CLTCL1: variants seen among roughly 807,000 people sequenced by gnomAD.
CLTCL1 encodes clathrin heavy chain like 1.
In CLTCL1, 159 loss-of-function variants were observed where a neutral mutation model predicts 190.0. That is an observed-to-expected ratio of 0.84 (90% CI 0.74 to 0.95). The LOEUF is 0.95. Ranked by LOEUF, CLTCL1 falls within the 40% of genes least tolerant of loss-of-function variation. CLTCL1 has a pLI of 0.00. For synonymous variants in CLTCL1, 752 were observed against 769.6 expected (o/e 0.98, Z 0.38); for missense variants, 1,878 against 2,033.4 (o/e 0.92, Z 1.47).
intron 2 of CLTCL1, among the ~76,000 whole-genome samples, chr22:19,275,393 C>T (rs1156378438): frequency 6.6e-6 from 1 of 151,976 alleles, no homozygotes; most frequent in Non-Finnish European, 1.5e-5. Flanking sequence ...TGGGCATTTT[C>T]TTCCTCTCGG....
At position 19,262,415 on chromosome 22, in the gene CLTCL1, G is replaced by A. The variant is rs1381294633; in HGVS notation, c.251-8188C>T. Among the ~76,000 whole-genome samples, 8 of 146,586 alleles carry A rather than the reference G, an allele frequency of 5.5e-5. No individual in the cohort carries two copies. The East Asian group carries it at 1.7e-3, about 32-fold the overall frequency. ...TGGGAGGCTGAGGCAGGTGGATCAC[G>A]AAGTCAGGAGATGGAGACCATCCTG... On this transcript the variant is annotated intron_variant, in intron 2 of 32. Coordinates refer to ENST00000427926, the MANE Select transcript of CLTCL1 (RefSeq NM_007098.4).
Position 19,208,166 on chromosome 22 carries a change from G to A in CLTCL1, c.3588C>T (p.Ala1196=), listed in dbSNP as rs782270388. The change falls in exon 22 of 33, where the codon GCC becomes GCT. Residue 1196 remains alanine (A), a synonymous_variant. Transcript: ENST00000427926. ...GGGCATGGCCTACCTGCTGGATGTG[G>A]GCATTGTTGGGTCCATTAATAAAAT... is the stretch of plus-strand genomic sequence containing the variant. ...LEDFINGPNN[A]HIQQVGDRCY... is the part of the protein sequence containing the mutation. The A allele has an allele frequency of 6.2e-6, 10 of 1,613,850 alleles. No homozygotes were observed. Among genetic ancestry groups the A allele is most frequent in the Middle Eastern group, 1.7e-4 (1 of 6,058 alleles).
At chr22:19,239,630 GCA>G (rs1244005817) in intron 4 of CLTCL1, among the ~76,000 whole-genome samples, 1 of 152,242 alleles carries the variant, frequency 6.6e-6, no homozygotes, top group African/African-American at 2.4e-5. Context: ...CTCAGTTCCA[GCA>G]CAGTGGCAGA....
intron 26 of CLTCL1, among the ~76,000 whole-genome samples, chr22:19,195,687 C>T (rs184493324): frequency 6.8e-4 from 103 of 152,130 alleles, no homozygotes; most frequent in Non-Finnish European, 4.6e-4. Flanking sequence ...TCTAAGAGAC[C>T]GGAAACAAAA....
chr22:19,211,777 A>C (rs1206531), intron 19 of CLTCL1, among the ~76,000 whole-genome samples: 8,286 of 150,012 alleles, frequency 0.055, 317 homozygotes, highest in Middle Eastern at 0.15. Flanking sequence ...AAAAAAAAAA[A>C]AAAAAACAAA....
intron 1 of CLTCL1, among the ~76,000 whole-genome samples, chr22:19,288,306 A>G (rs550722706): frequency 2.6e-5 from 4 of 152,340 alleles, no homozygotes; most frequent in African/African-American, 7.2e-5. Flanking sequence ...TGTGCTTAAC[A>G]TAAATTCAGC....
chr22:19,248,583 T>C (rs1158085977), intron 3 of CLTCL1, among the ~76,000 whole-genome samples: 1 of 152,224 alleles, frequency 6.6e-6, no homozygotes, highest in African/African-American at 2.4e-5. Context: ...CCTCCAGTCA[T>C]AGGCAACTAC....
rs199652160 is a variant in CLTCL1, at chr22:19,234,688, C to T, written c.988G>A (p.Glu330Lys). The T allele has an allele frequency of 6.3e-4, 1,021 of 1,613,948 alleles. 1 individual carries two copies. The highest frequency in any genetic ancestry group is 1.3e-3 in the Admixed American group (77 of 60,028). ...GCATAATTCACAATGTTATCTTCCT[C>T]AACACAAACTGACAGTACCTGTAAG... is the stretch of plus-strand genomic sequence containing the variant. ...KKGQVLSVCV[E>K]EDNIVNYATN... is the part of the protein sequence containing the mutation. The change falls in exon 7 of 33, where the codon GAG (glutamate) becomes AAG (lysine). Residue 330 changes from glutamate to lysine, a missense_variant. By Grantham distance (56) the Glu-to-Lys change is moderately conservative. Transcript: ENST00000427926.
intron 18 of CLTCL1, among the ~76,000 whole-genome samples, chr22:19,216,459 C>G (rs563506684): frequency 6.6e-6 from 1 of 152,328 alleles, no homozygotes; most frequent in South Asian, 2.1e-4. Flanking sequence ...ATTAGTTTTT[C>G]TCTCATATCA....
At chr22:19,232,817 C>A in intron 9 of CLTCL1, 1 of 670,338 alleles carries the variant, frequency 1.5e-6, no homozygotes, top group Non-Finnish European at 2.4e-6. Context: ...GCCCAGACCA[C>A]AAAGAAGTTT....
At chr22:19,229,786 G>A in intron 11 of CLTCL1, 52 bp downstream of exon 11, 5 of 1,522,328 alleles carry the variant, frequency 3.3e-6, no homozygotes, top group Non-Finnish European at 3.5e-6. Context: ...TGCAAACCCA[G>A]AGAGGTGCCA....
intron 5 of CLTCL1, among the ~76,000 whole-genome samples, chr22:19,236,667 G>C (rs183288079): frequency 1.3e-5 from 2 of 152,228 alleles, no homozygotes; most frequent in South Asian, 2.1e-4. Context: ...TATTAAGAAT[G>C]AGTGTGTGGT....
chr22:19,253,499 T>C (rs1200523375), intron 3 of CLTCL1, among the ~76,000 whole-genome samples: 3 of 152,118 alleles, frequency 2.0e-5, no homozygotes, highest in Non-Finnish European at 4.4e-5. Flanking sequence ...AAACTATGGG[T>C]TCCAAATTAC....
chr22:19,234,986 AT>A (rs1406682703), intron 6 of CLTCL1, among the ~76,000 whole-genome samples: 1 of 152,140 alleles, frequency 6.6e-6, no homozygotes, highest in African/African-American at 2.4e-5. Flanking sequence ...GGAACTGACA[AT>A]TTTTCTTCTT....
chr22:19,285,041 C>G (rs944422957), intron 1 of CLTCL1, among the ~76,000 whole-genome samples: 1 of 151,758 alleles, frequency 6.6e-6, no homozygotes, highest in Admixed American at 6.6e-5. Context: ...TTTGGGAGGC[C>G]GAGGCAGGCG....
chr22:19,226,215 G>A lies in CLTCL1; in HGVS notation c.1947+4C>T, dbSNP rs372402371. On this transcript the variant is annotated splice_donor_region_variant and intron_variant, in intron 12 of 32. Coordinates refer to ENST00000427926, the MANE Select transcript of CLTCL1 (RefSeq NM_007098.4). Reference sequence around the variant, plus strand: ...TAATAGGAGTGCCCAGGGGTACACAGTACCTCGGGATTGAGGAGGTGAGTG... The same window carrying A: ...TAATAGGAGTGCCCAGGGGTACACAATACCTCGGGATTGAGGAGGTGAGTG... 3.7e-6 allele frequency: 6 copies of A among 1,613,210 alleles called. No homozygotes were observed. In the Admixed American group the frequency reaches 6.7e-5, roughly 18 times the overall value.
At chr22:19,275,263 G>A (rs1470308507) in intron 2 of CLTCL1, among the ~76,000 whole-genome samples, 1 of 152,184 alleles carries the variant, frequency 6.6e-6, no homozygotes, top group African/African-American at 2.4e-5. Context: ...CCCCGAGCCT[G>A]TGTCGTCGGA....
chr22:19,249,871 T>C, intron 3 of CLTCL1: 3 of 407,450 alleles, frequency 7.4e-6, no homozygotes, highest in Non-Finnish European at 1.5e-5. Context: ...AAAAAAAAAA[T>C]CGCCAGGTAC....
At chr22:19,182,035 C>T (rs2084157985) in intron 30 of CLTCL1, 1 of 152,206 alleles carries the variant, frequency 6.6e-6, no homozygotes, top group Non-Finnish European at 1.5e-5. Flanking sequence ...ACTTTGACCC[C>T]CACAGCAATG....
Sources: gnomAD v4.1 joint callset for allele counts (sites outside exome capture counted in the v4.1 genomes callset) on GRCh38, gnomAD v4.1.1 for gene constraint, MANE v1.5 for transcripts, NCBI Gene and HGNC (gene_info 2026-07-23, HGNC 2026-07-21) for gene names.